Variants in HAUS6 observed in about 807,000 individuals in gnomAD.
HAUS6 encodes HAUS augmin like complex subunit 6.
Under a neutral mutation model 106.8 loss-of-function variants are expected in HAUS6, and 80 were observed. The observed-to-expected ratio is 0.75, with a 90% CI of 0.63 to 0.90. The LOEUF (loss-of-function observed/expected upper bound fraction) is 0.90, where lower values mean the gene tolerates loss of function less well. Ranked by LOEUF, HAUS6 falls within the 40% of genes least tolerant of loss-of-function variation. The pLI, the probability that HAUS6 is intolerant of heterozygous loss-of-function variation, is 0.00. For missense variants in HAUS6, 1,155 were observed against 1,118.1 expected, an observed-to-expected ratio of 1.03 and a Z score of -0.47; for synonymous variants, 356 against 379.1, an observed-to-expected ratio of 0.94 and a Z score of 0.71.
intron 1 of HAUS6, among the ~76,000 whole-genome samples, chr9:19,102,155 G>C (rs375870875): frequency 1.2e-4 from 19 of 152,214 alleles, no homozygotes; most frequent in South Asian, 1.2e-3. Flanking sequence ...GCTCCCTTGA[G>C]TCCAAAAGGT....
Position 19,089,479 on chromosome 9 carries a change from G to C in HAUS6, c.517C>G (p.Arg173Gly), listed in dbSNP as rs180922782. The change falls in exon 5 of 17, where the codon CGT becomes GGT. Residue 173 changes from arginine to glycine, a missense_variant. Physicochemically the swap from Arg to Gly is moderately radical, Grantham distance 125 (BLOSUM62 -2). This residue lies in a region of HAUS6 where 761 missense variants were observed against 690.0 expected (regional missense o/e 1.10). Coordinates refer to ENST00000380502, the MANE Select transcript of HAUS6 (RefSeq NM_017645.5). Reference sequence around the variant, plus strand: ...TGCAAAATTTGTAAAAATCTGCTACGTGCGAAATGGCATCTGGCAATGCAT... The same window carrying C: ...TGCAAAATTTGTAAAAATCTGCTACCTGCGAAATGGCATCTGGCAATGCAT... ...HKCIARCHFA[R>G]SRFLQILQRQ... The C allele has an allele frequency of 4.3e-5, 69 of 1,610,818 alleles. No individual in the cohort carries two copies. The East Asian group carries it at 1.5e-3, about 34-fold the overall frequency.
chr9:19,092,616 C>T (rs1368321204), intron 4 of HAUS6, among the ~76,000 whole-genome samples: 4 of 82,424 alleles, frequency 4.9e-5, no homozygotes, highest in East Asian at 3.6e-4. Context: ...AACTCCGTCT[C>T]GGAAAAAAAA....
chr9:19,076,681 CAT>C lies in HAUS6; in HGVS notation c.1213_1214del (p.Met405ValfsTer6). 1 of 1,551,080 alleles carries C rather than the reference CAT, an allele frequency of 6.4e-7. No individual in the cohort carries two copies. The highest frequency in any genetic ancestry group is 8.9e-7 in the Non-Finnish European group (1 of 1,123,232). On this transcript the variant is annotated frameshift_variant, in exon 11 of 17. Coordinates refer to ENST00000380502, the MANE Select transcript of HAUS6 (RefSeq NM_017645.5). LOFTEE classifies it high-confidence loss of function. ...AGGCAGGATCAAACGAAAGGGGAGA[CAT>C]TGGTGGTAAAAGATCTACAGACTTA... ...WTPSVDLLPPMSPLSFDPASE... is the reference protein window; with the variant it reads ...WTPSVDLLPPXSPLSFDPASE...
intron 15 of HAUS6, 106 bp downstream of exon 15, chr9:19,059,982 A>C: frequency 1.2e-6 from 1 of 822,038 alleles, no homozygotes; most frequent in Non-Finnish European, 1.9e-6. Context: ...CAACAGCATA[A>C]ATAAACAGCC....
Position 19,089,471 on chromosome 9 carries a change from T to C in HAUS6, c.525A>G (p.Arg175=). Reference sequence around the variant, plus strand: ...CTTGTCTTTGCAAAATTTGTAAAAATCTGCTACGTGCGAAATGGCATCTGG... The same window carrying C: ...CTTGTCTTTGCAAAATTTGTAAAAACCTGCTACGTGCGAAATGGCATCTGG... ...CIARCHFARS[R]FLQILQRQDC... The change falls in exon 5 of 17, where the codon AGA becomes AGG. Residue 175 remains arginine (R), a synonymous_variant. Coordinates refer to ENST00000380502, the MANE Select transcript of HAUS6 (RefSeq NM_017645.5). 6.2e-7 allele frequency: 1 copy of C among 1,612,624 alleles called. No homozygotes were observed. Among genetic ancestry groups the C allele is most frequent in the Non-Finnish European group, 8.5e-7 (1 of 1,178,654 alleles).
chr9:19,088,415 C>CAA lies in HAUS6; in HGVS notation c.584+995_584+996dup, dbSNP rs11392937. 1.8e-3 allele frequency among the ~76,000 whole-genome samples: 167 copies of CAA among 91,330 alleles called. 5 individuals are homozygous for CAA. The highest frequency in any genetic ancestry group is 5.4e-3 in the South Asian group (16 of 2,942). The allele number at this position is 91,330 out of a possible 152,430, so 59.9% of individuals were successfully genotyped here. On this transcript the variant is annotated intron_variant, in intron 5 of 16. Transcript: ENST00000380502. Reference sequence around the variant, plus strand: ...AGGGCAACAGAGTGAGACTCCGTCTCAAAAAAAAAAAAAAATAGTAATACA... The same window carrying CAA: ...AGGGCAACAGAGTGAGACTCCGTCTCAAAAAAAAAAAAAAAAATAGTAATACA...
At chr9:19,089,933 A>G (rs1817709631) in intron 4 of HAUS6, among the ~76,000 whole-genome samples, 1 of 152,078 alleles carries the variant, frequency 6.6e-6, no homozygotes, top group Non-Finnish European at 1.5e-5. Context: ...TCCGGGTTCA[A>G]GCAATCCTCT....
intron 1 of HAUS6, among the ~76,000 whole-genome samples, chr9:19,101,353 T>C (rs975436707): frequency 5.3e-5 from 8 of 151,946 alleles, no homozygotes; most frequent in African/African-American, 1.9e-4. Context: ...ACCCTAGGCA[T>C]GGTGCCACGC....
At chr9:19,057,746 TCCCACCCC>T in intron 16 of HAUS6, 1 of 423,764 alleles carries the variant, frequency 2.4e-6, no homozygotes. Flanking sequence ...GGCTTTTTTT[TCCCACCCC>T]TGTCTCAAAT....
intron 10 of HAUS6, 82 bp from the exon 11 acceptor site, chr9:19,076,786 G>A (rs1471041677): frequency 4.5e-6 from 3 of 669,638 alleles, no homozygotes; most frequent in Non-Finnish European, 8.1e-6. Context: ...TCTATGAATA[G>A]ATTATCTTCT....
intron 12 of HAUS6, among the ~76,000 whole-genome samples, chr9:19,067,147 T>C (rs959987618): frequency 1.3e-5 from 2 of 152,242 alleles, no homozygotes; most frequent in Admixed American, 6.5e-5. Flanking sequence ...TGAATAGTTA[T>C]ATTGATCATA....
At position 19,098,221 on chromosome 9, in the gene HAUS6, A is replaced by G. The variant is rs188466716; in HGVS notation, c.129-1452T>C. 2.6e-3 allele frequency among the ~76,000 whole-genome samples: 395 copies of G among 152,318 alleles called. 6 individuals carry two copies. In the South Asian group the frequency reaches 0.031, roughly 12 times the overall value. On this transcript the variant is annotated intron_variant, in intron 1 of 16. Transcript: ENST00000380502. ...TTTGGGAGGCCAAGGCAGGCAGATC[A>G]TGAGTCAAGAGATTGAGACCATCCT...
Position 19,066,879 on chromosome 9 carries a change from T to C in HAUS6, c.1377-3299A>G, listed in dbSNP as rs535234037. Among the ~76,000 whole-genome samples, 69 of 149,596 alleles carry C rather than the reference T, an allele frequency of 4.6e-4. No individual in the cohort carries two copies. In the Middle Eastern group the frequency reaches 0.017, roughly 38 times the overall value. On this transcript the variant is annotated intron_variant, in intron 12 of 16. Coordinates refer to ENST00000380502, the MANE Select transcript of HAUS6 (RefSeq NM_017645.5). ...TTAATTAGCTGGGTGTGGAGGTGCA[T>C]GCCTGCACTCCTAGCTACTTGGGTA... is the stretch of plus-strand genomic sequence containing the variant.
chr9:19,089,192 G>A (rs1171571183), intron 5 of HAUS6, among the ~76,000 whole-genome samples: 1 of 151,878 alleles, frequency 6.6e-6, no homozygotes, highest in Non-Finnish European at 1.5e-5. Context: ...GCAGTGAGCC[G>A]ACATCGCGCC....
At chr9:19,075,439 A>C (rs1836975540) in intron 11 of HAUS6, among the ~76,000 whole-genome samples, 1 of 152,228 alleles carries the variant, frequency 6.6e-6, no homozygotes, top group Non-Finnish European at 1.5e-5. Flanking sequence ...TACATGCTAC[A>C]AGATGTAAAA....
intron 12 of HAUS6, among the ~76,000 whole-genome samples, chr9:19,069,105 G>A (rs1836830173): frequency 6.6e-6 from 1 of 152,216 alleles, no homozygotes; most frequent in Non-Finnish European, 1.5e-5. Flanking sequence ...GACCAGCCAC[G>A]GGTTATGTTA....
At chr9:19,072,015 C>G (rs977667060) in intron 11 of HAUS6, among the ~76,000 whole-genome samples, 2 of 139,544 alleles carry the variant, frequency 1.4e-5, no homozygotes, top group South Asian at 4.5e-4. Flanking sequence ...ACCAGCCTGG[C>G]CCCGTCTCTA....
Position 19,053,271 on chromosome 9 carries a change from C to A in HAUS6, c.*3072G>T, listed in dbSNP as rs1470428556. 6.6e-6 allele frequency: 1 copy of A among 152,100 alleles called. No homozygotes were observed. 9.4% of individuals were successfully genotyped at this position (152,100 alleles called of 1,614,324 possible). ...CAATGCATAAAGAAAAAGGTGATCT[C>A]TAGAGCAACTATGTATCTGCAACAT... On this transcript the variant is annotated 3_prime_UTR_variant, in exon 17 of 17. Coordinates refer to ENST00000380502, the MANE Select transcript of HAUS6 (RefSeq NM_017645.5).
intron 11 of HAUS6, among the ~76,000 whole-genome samples, chr9:19,075,387 A>G (rs1194071005): frequency 6.6e-6 from 1 of 152,234 alleles, no homozygotes; most frequent in African/African-American, 2.4e-5. Flanking sequence ...GTATATGTGA[A>G]TTATATCTCA....
Sources: gnomAD v4.1 joint callset for allele counts (sites outside exome capture counted in the v4.1 genomes callset) on GRCh38, gnomAD v4.1.1 for gene constraint, gnomAD v4.1.1 regional missense constraint, MANE v1.5 for transcripts, NCBI Gene and HGNC (gene_info 2026-07-23, HGNC 2026-07-21) for gene names.